The following CHAF1A variants were observed in gnomAD, a reference collection of about 807,000 sequenced individuals.
The protein encoded by CHAF1A is CAF-1 subunit A.
CHAF1A carries 5 observed loss-of-function variants against 93.2 expected under a neutral mutation model. The observed-to-expected ratio is 0.05, with a 90% CI of 0.03 to 0.11. The LOEUF (loss-of-function observed/expected upper bound fraction) is 0.11. Among genes scored for constraint, CHAF1A ranks in the 10% least tolerant of loss-of-function variants. CHAF1A has a pLI of 1.00. For synonymous variants in CHAF1A, 504 were observed against 510.3 expected (o/e 0.99, Z 0.17); for missense variants, 1,102 against 1,259.9 (o/e 0.87, Z 1.90).
At chr19:4,403,321 G>C (rs185870132) in intron 1 of CHAF1A, among the ~76,000 whole-genome samples, 41 of 152,300 alleles carry the variant, frequency 2.7e-4, no homozygotes, top group African/African-American at 9.4e-4. Flanking sequence ...CCGAGTTCTT[G>C]CTCCTTCCTG....
chr19:4,438,002 A>G (rs1038019566), intron 13 of CHAF1A, among the ~76,000 whole-genome samples: 1 of 151,970 alleles, frequency 6.6e-6, no homozygotes, highest in Non-Finnish European at 1.5e-5. Flanking sequence ...CGGCCTCCCA[A>G]AGTGCTAGGA....
rs2145124318 is a variant in CHAF1A at position 4,429,549 on chromosome 19, TACCTGGAATAAGAAGACGGC to T, written c.1719_1738del (p.Trp574HisfsTer17). ...AGAACCACCGGCCTGCCTACTGGGG[TACCTGGAATAAGAAGACGGC>T]ACTCATCCGCGCGCGAGACCCCTGG... is the stretch of plus-strand genomic sequence containing the variant. On this transcript the variant is annotated frameshift_variant, in exon 9 of 15. Transcript: ENST00000301280. LOFTEE classifies it high-confidence loss of function. 1 of 1,613,332 alleles carries T rather than the reference TACCTGGAATAAGAAGACGGC, an allele frequency of 6.2e-7. No individual in the cohort carries two copies. Among genetic ancestry groups the T allele is most frequent in the South Asian group, 1.1e-5 (1 of 91,044 alleles).
intron 1 of CHAF1A, 114 bp downstream of exon 1, chr19:4,402,928 CG>C (rs1476070524): frequency 5.2e-6 from 3 of 579,722 alleles, no homozygotes; most frequent in African/African-American, 2.0e-5. Context: ...TCCTGCGGGC[CG>C]GGCGTTCACC....
At chr19:4,446,794 C>T (rs773031256), downstream of CHAF1A, 63 of 1,613,658 alleles carry the variant, frequency 3.9e-5, no homozygotes, top group Non-Finnish European at 5.3e-5. Context: ...CCCCGAGGCC[C>T]CTCGTCCCCA....
chr19:4,415,658 A>G (rs1249101439), intron 3 of CHAF1A, among the ~76,000 whole-genome samples: 2 of 151,400 alleles, frequency 1.3e-5, no homozygotes, highest in Non-Finnish European at 2.9e-5. Context: ...TTCTGTTGCC[A>G]CATTCTCAGC....
chr19:4,446,244 C>T, downstream of CHAF1A: 1 of 1,570,850 alleles, frequency 6.4e-7, no homozygotes, highest in Non-Finnish European at 8.6e-7. Context: ...GGCCCCCTAC[C>T]AACCCGAGCC....
At chr19:4,405,681 G>A (rs1973668199) in intron 1 of CHAF1A, among the ~76,000 whole-genome samples, 1 of 151,214 alleles carries the variant, frequency 6.6e-6, no homozygotes. Context: ...ATTGCATTGT[G>A]GGACATTTAG....
chr19:4,440,365 T>C (rs1974363508), intron 13 of CHAF1A, among the ~76,000 whole-genome samples: 1 of 151,074 alleles, frequency 6.6e-6, no homozygotes, highest in African/African-American at 2.4e-5. Flanking sequence ...CCCAGCACTT[T>C]AGGAGGCCGA....
intron 13 of CHAF1A, among the ~76,000 whole-genome samples, chr19:4,437,237 G>C (rs1974301489): frequency 6.6e-6 from 1 of 152,172 alleles, no homozygotes; most frequent in Admixed American, 6.5e-5. Flanking sequence ...CGTCCCTGGG[G>C]AGCAGGGTCT....
At chr19:4,428,911 G>T (rs1229543764) in intron 8 of CHAF1A, 21 bp downstream of exon 8, 1 of 1,599,152 alleles carries the variant, frequency 6.3e-7, no homozygotes, top group Admixed American at 1.7e-5. Flanking sequence ...GAGGAGGTCG[G>T]CCTTCACCCA....
In CHAF1A at chr19:4,429,534, G is replaced by T. The variant is rs1974142871; in HGVS notation, c.1701G>T (p.Arg567=). 1.9e-6 allele frequency: 3 copies of T among 1,613,902 alleles called. No homozygotes were observed. The highest frequency in any genetic ancestry group is 4.5e-5 in the East Asian group (2 of 44,868). Residue 567 remains arginine, a synonymous_variant, in exon 9 of 15, where the codon CGG becomes CGT. Coordinates refer to ENST00000301280, the MANE Select transcript of CHAF1A (RefSeq NM_005483.3). ...MKLLQFCENH[R]PAYWGTWNKK... is the part of the protein sequence containing the mutation. ...TCCTGCAGTTCTGTGAGAACCACCGGCCTGCCTACTGGGGTACCTGGAATA... is the reference window on the plus strand; with the variant it reads ...TCCTGCAGTTCTGTGAGAACCACCGTCCTGCCTACTGGGGTACCTGGAATA...
chr19:4,415,899 C>T (rs1340381160), intron 3 of CHAF1A, among the ~76,000 whole-genome samples: 3 of 152,096 alleles, frequency 2.0e-5, no homozygotes, highest in South Asian at 4.2e-4. Flanking sequence ...GTTGGCCGGG[C>T]GCGGTGGCTC....
In CHAF1A at chr19:4,433,672, C is replaced by G. The variant is rs768943712; in HGVS notation, c.2673+133C>G. 1.3e-5 allele frequency: 9 copies of G among 691,198 alleles called. No homozygotes were observed. The highest frequency in any genetic ancestry group is 1.9e-5 in the Non-Finnish European group (8 of 415,808). The allele number at this position is 691,198 out of a possible 1,614,324, so 42.8% of individuals were successfully genotyped here. Reference sequence around the variant, plus strand: ...CTGGAGTGCAGTGGCGCAATCTCAGCTCACTGCAACCTCCTCCCTCCTGGG... The same window carrying G: ...CTGGAGTGCAGTGGCGCAATCTCAGGTCACTGCAACCTCCTCCCTCCTGGG... On this transcript the variant is annotated intron_variant, in intron 13 of 14. Coordinates refer to ENST00000301280, the MANE Select transcript of CHAF1A (RefSeq NM_005483.3). The surrounding 1 kb of genome is among the most constrained non-coding windows in gnomAD (Gnocchi z 5.6).
chr19:4,433,389 T>C lies in CHAF1A; in HGVS notation c.2523T>C (p.Tyr841=), dbSNP rs1440562547. The change falls in exon 13 of 15, where the codon TAT becomes TAC. Residue 841 remains tyrosine, a synonymous_variant. Transcript: ENST00000301280. The surrounding 1 kb of genome is among the most constrained non-coding windows in gnomAD (Gnocchi z 5.6). ...TGCCCGTGCCGTGCCAGTGGAGCTA[T>C]GTGACATCGGTGCCCTCGGCCCCCA... is the stretch of plus-strand genomic sequence containing the variant. ...EHLPVPCQWS[Y]VTSVPSAPKE... is the part of the protein sequence containing the mutation. 1.2e-6 allele frequency: 2 copies of C among 1,612,820 alleles called. No individual in the cohort carries two copies. The highest frequency in any genetic ancestry group is 4.5e-5 in the East Asian group (2 of 44,826).
At chr19:4,446,452 T>C (rs1396687908), downstream of CHAF1A, 1 of 1,581,940 alleles carries the variant, frequency 6.3e-7, no homozygotes, top group African/African-American at 1.3e-5. Flanking sequence ...TGGCCGGGGT[T>C]CTTCCACCCC....
At chr19:4,442,507 C>T (rs1450561930) in intron 14 of CHAF1A, among the ~76,000 whole-genome samples, 166 bp downstream of exon 14, 1 of 152,180 alleles carries the variant, frequency 6.6e-6, no homozygotes, top group African/African-American at 2.4e-5. Context: ...GCGGGCTGGG[C>T]CGTGGGTGCT....
At chr19:4,414,490 G>T (rs1973864105) in intron 3 of CHAF1A, among the ~76,000 whole-genome samples, 1 of 151,844 alleles carries the variant, frequency 6.6e-6, no homozygotes, top group Non-Finnish European at 1.5e-5. Flanking sequence ...TCATCACCTT[G>T]TGTTTTTCTG....
At chr19:4,423,215 A>G in intron 5 of CHAF1A, 120 bp from the exon 6 acceptor site, 1 of 1,430,732 alleles carries the variant, frequency 7.0e-7, no homozygotes, top group Non-Finnish European at 9.4e-7. Flanking sequence ...TAGACATGAA[A>G]ATAACTTATA....
intron 2 of CHAF1A, 45 bp downstream of exon 2, chr19:4,406,007 T>A: frequency 6.7e-7 from 1 of 1,489,206 alleles, no homozygotes; most frequent in Non-Finnish European, 9.4e-7. Context: ...TAGTTTATAG[T>A]CTTCCTTGTC....
Sources: allele counts gnomAD v4.1 joint callset (sites outside exome capture counted in the v4.1 genomes callset), GRCh38; gene constraint gnomAD v4.1.1; non-coding constraint Gnocchi (gnomAD v3.1); transcripts MANE v1.5; gene names NCBI Gene and HGNC (gene_info 2026-07-23, HGNC 2026-07-21).